The following DSCAM variants were observed in gnomAD, a reference collection of about 807,000 sequenced individuals.
DSCAM encodes the protein cell adhesion molecule DSCAM.
In DSCAM, 47 loss-of-function variants were observed where a neutral mutation model predicts 217.7. That is an observed-to-expected ratio of 0.22 (90% CI 0.17 to 0.28). DSCAM has a LOEUF of 0.28. Ranked by LOEUF, DSCAM falls within the 10% of genes least tolerant of loss-of-function variation. The pLI, the probability that DSCAM is intolerant of heterozygous loss-of-function variation, is 1.00. For synonymous variants in DSCAM, 1,056 were observed against 1,015.3 expected (o/e 1.04, Z -0.76); for missense variants, 2,080 against 2,618.3 (o/e 0.79, Z 4.49).
At chr21:40,301,418 T>C (rs1463978466) in intron 9 of DSCAM, among the ~76,000 whole-genome samples, 1 of 152,214 alleles carries the variant, frequency 6.6e-6, no homozygotes, top group Admixed American at 6.5e-5. Context: ...CCCCATCTAT[T>C]ATCCAGTCCC....
In DSCAM at chr21:40,085,970, C is replaced by T. The variant is rs566736862; in HGVS notation, c.3969-205G>A. On this transcript the variant is annotated intron_variant, in intron 22 of 32. Transcript: ENST00000400454. The stretch of plus-strand genomic sequence containing the variant: ...AAGTTTTCCTTTGTAAAAAATGTTA[C>T]GTTGAAGATGAGATCTGTGTCAAGG... Among the ~76,000 whole-genome samples, 10 of 152,242 alleles carry T rather than the reference C, an allele frequency of 6.6e-5. No homozygotes were observed. The South Asian group carries it at 1.5e-3, about 22-fold the overall frequency.
chr21:40,561,314 A>G (rs193229816), intron 3 of DSCAM, among the ~76,000 whole-genome samples: 95 of 152,342 alleles, frequency 6.2e-4, no homozygotes, highest in African/African-American at 2.2e-3. Context: ...TACAGTCAAC[A>G]GTTCTTTTCA....
chr21:40,178,153 A>G (rs993032131), intron 15 of DSCAM, among the ~76,000 whole-genome samples: 2 of 152,210 alleles, frequency 1.3e-5, no homozygotes, highest in African/African-American at 4.8e-5. Flanking sequence ...TTCATGGACC[A>G]TTGCCTGATT....
chr21:40,287,778 G>T (rs757025952), intron 10 of DSCAM, among the ~76,000 whole-genome samples: 1 of 152,122 alleles, frequency 6.6e-6, no homozygotes, highest in African/African-American at 2.4e-5. Flanking sequence ...AGGCCCTCTG[G>T]GGGACTGTGC....
chr21:40,272,112 C>T (rs1422190409), intron 11 of DSCAM, among the ~76,000 whole-genome samples: 1 of 151,480 alleles, frequency 6.6e-6, no homozygotes, highest in Non-Finnish European at 1.5e-5. Flanking sequence ...TTCCCTGGGC[C>T]TCAAACAGTT....
At chr21:40,785,260 C>G (rs560012370) in intron 1 of DSCAM, among the ~76,000 whole-genome samples, 25 of 152,316 alleles carry the variant, frequency 1.6e-4, no homozygotes, top group Admixed American at 1.2e-3. Flanking sequence ...TGTCTATTAT[C>G]CTCCAGGAGC....
chr21:40,709,551 C>T (rs1008079687), intron 1 of DSCAM, among the ~76,000 whole-genome samples: 4 of 152,072 alleles, frequency 2.6e-5, no homozygotes, highest in Non-Finnish European at 5.9e-5. Flanking sequence ...CACGTGTTCT[C>T]ATTGTTCAAC....
intron 16 of DSCAM, among the ~76,000 whole-genome samples, chr21:40,156,291 GA>G (rs2090476657): frequency 2.2e-5 from 1 of 45,324 alleles, no homozygotes; most frequent in African/African-American, 2.6e-4. Context: ...CTAAGACAGA[GA>G]GAGAGAGAGA....
At chr21:40,468,598 G>C (rs2075863545) in intron 3 of DSCAM, among the ~76,000 whole-genome samples, 1 of 152,088 alleles carries the variant, frequency 6.6e-6, no homozygotes, top group Admixed American at 6.5e-5. Context: ...TGAACAAGGA[G>C]GGGTTTCCTG....
intron 1 of DSCAM, among the ~76,000 whole-genome samples, chr21:40,795,347 A>G (rs1467668944): frequency 8.0e-6 from 1 of 125,718 alleles, no homozygotes; most frequent in Non-Finnish European, 1.8e-5. Context: ...TACATATACT[A>G]CCCACAATTT....
intron 29 of DSCAM, among the ~76,000 whole-genome samples, chr21:40,053,287 G>T (rs1303434610): frequency 1.3e-5 from 2 of 152,244 alleles, no homozygotes; most frequent in Non-Finnish European, 2.9e-5. Context: ...GTGCGGTGAG[G>T]TTGGCACCAC....
chr21:40,701,442 A>T (rs969947961), intron 2 of DSCAM, among the ~76,000 whole-genome samples: 4 of 151,852 alleles, frequency 2.6e-5, no homozygotes, highest in African/African-American at 9.7e-5. Flanking sequence ...CTCCATTCTG[A>T]TCTTCATTGT....
At chr21:40,032,152 G>C (rs1267391541) in intron 32 of DSCAM, among the ~76,000 whole-genome samples, 1 of 152,222 alleles carries the variant, frequency 6.6e-6, no homozygotes. Flanking sequence ...CCCCCAGCTA[G>C]GGTTCTGCTT....
chr21:40,498,939 G>A (rs1432565726), intron 3 of DSCAM, among the ~76,000 whole-genome samples: 2 of 150,792 alleles, frequency 1.3e-5, no homozygotes, highest in African/African-American at 4.9e-5. Flanking sequence ...ATGCTAAGAA[G>A]GGAGATTAAT....
At chr21:40,607,566 G>C (rs181941966) in intron 3 of DSCAM, among the ~76,000 whole-genome samples, 1 of 151,778 alleles carries the variant, frequency 6.6e-6, no homozygotes, top group South Asian at 2.1e-4. Flanking sequence ...TAATTCCCAC[G>C]TGTCATGGGA....
At chr21:40,698,987 G>T (rs2090625623) in intron 2 of DSCAM, among the ~76,000 whole-genome samples, 1 of 144,672 alleles carries the variant, frequency 6.9e-6, no homozygotes, top group Admixed American at 7.0e-5. Context: ...TCATTTTATT[G>T]TACTTCGGAG....
intron 18 of DSCAM, among the ~76,000 whole-genome samples, chr21:40,140,414 T>C (rs1013020471): frequency 2.0e-5 from 3 of 152,206 alleles, no homozygotes; most frequent in Non-Finnish European, 2.9e-5. Flanking sequence ...ACATCTTTCA[T>C]TTTAGAATGA....
In DSCAM at chr21:40,369,244, T is replaced by C; in HGVS notation, c.510A>G (p.Gly170=). ...CCGTGGATGTGATGAGAAATCTAGA[T>C]CCTGAAATAGAGGAAAACAGTGGCT... The part of the protein sequence containing the change: ...WEKDTVSLVS[G]SRFLITSTGA... Residue 170 remains glycine, a splice_region_variant and synonymous_variant, in exon 4 of 33, where the codon GGA becomes GGG. Coordinates refer to ENST00000400454, the MANE Select transcript of DSCAM (RefSeq NM_001389.5). 4 of 1,606,368 alleles carry C rather than the reference T, an allele frequency of 2.5e-6. No homozygotes were observed. The highest frequency in any genetic ancestry group is 3.4e-6 in the Non-Finnish European group (4 of 1,176,866).
At chr21:40,220,594 A>G (rs1281981283) in intron 11 of DSCAM, among the ~76,000 whole-genome samples, 2 of 152,236 alleles carry the variant, frequency 1.3e-5, no homozygotes, top group Non-Finnish European at 2.9e-5. Context: ...AAACTCTGCT[A>G]TGATAAACTC....
Sources: gnomAD v4.1 joint callset for allele counts (sites outside exome capture counted in the v4.1 genomes callset) on GRCh38, gnomAD v4.1.1 for gene constraint, MANE v1.5 for transcripts, NCBI Gene and HGNC (gene_info 2026-07-23, HGNC 2026-07-21) for gene names.